SPMIP2: variants seen among roughly 807,000 people sequenced by gnomAD.
SPMIP2 encodes sperm microtubule inner protein 2, also known as protein SPMIP2.
chr4:158,934,826 A>G, the SPMIP2 span, among the ~76,000 whole-genome samples: 1 of 152,022 alleles, frequency 6.6e-6, no homozygotes, highest in Non-Finnish European at 1.5e-5. Flanking sequence ...TCTTTAAGCT[A>G]TCTCACCACC....
At chr4:158,894,329 T>A in the SPMIP2 span, among the ~76,000 whole-genome samples, 2 of 152,006 alleles carry the variant, frequency 1.3e-5, no homozygotes, top group Non-Finnish European at 1.5e-5. Flanking sequence ...TGGGCCACTA[T>A]GCCCAGGTAA....
the SPMIP2 span, among the ~76,000 whole-genome samples, chr4:158,945,038 CCTGA>C: frequency 6.6e-6 from 1 of 152,002 alleles, no homozygotes; most frequent in Non-Finnish European, 1.5e-5. Context: ...TTAACTTGCC[CCTGA>C]CTATGTCACT....
chr4:158,927,802 G>C, the SPMIP2 span, among the ~76,000 whole-genome samples: 2 of 152,230 alleles, frequency 1.3e-5, no homozygotes, highest in African/African-American at 4.8e-5. Flanking sequence ...CGGAGCAGCC[G>C]GCGGGCCCTG....
the SPMIP2 span, among the ~76,000 whole-genome samples, chr4:159,082,286 T>C: frequency 6.6e-6 from 1 of 151,710 alleles, no homozygotes; most frequent in Non-Finnish European, 1.5e-5. Context: ...TGAGCTGAGA[T>C]TGCACCATTG....
At chr4:159,037,294 T>C in the SPMIP2 span, among the ~76,000 whole-genome samples, 2 of 152,198 alleles carry the variant, frequency 1.3e-5, no homozygotes, top group East Asian at 1.9e-4. Context: ...TGAAGACATA[T>C]TTAGGTTCAT....
the SPMIP2 span, among the ~76,000 whole-genome samples, chr4:159,014,425 G>A: frequency 6.6e-6 from 1 of 152,124 alleles, no homozygotes; most frequent in Admixed American, 6.6e-5. Flanking sequence ...CGCACTCCAG[G>A]CTGGGCGAAA....
the SPMIP2 span, among the ~76,000 whole-genome samples, chr4:158,940,618 A>G: frequency 2.2e-5 from 2 of 90,292 alleles, no homozygotes; most frequent in African/African-American, 3.9e-5. Flanking sequence ...TTTATTTTCT[A>G]TTTGGTTATG....
chr4:158,985,121 T>G, the SPMIP2 span, among the ~76,000 whole-genome samples: 44 of 139,108 alleles, frequency 3.2e-4, no homozygotes, highest in African/African-American at 3.7e-4. Flanking sequence ...TAACAGGCTC[T>G]GAAATTGTGG....
the SPMIP2 span, among the ~76,000 whole-genome samples, chr4:159,041,704 T>G: frequency 6.6e-6 from 1 of 152,236 alleles, no homozygotes; most frequent in African/African-American, 2.4e-5. Context: ...TGCTTTAGTG[T>G]TTTATGTGGT....
chr4:158,944,527 TA>T, the SPMIP2 span, among the ~76,000 whole-genome samples: 1,082 of 152,194 alleles, frequency 7.1e-3, 11 homozygotes, highest in Non-Finnish European at 0.011. Context: ...CATTTTCAAA[TA>T]CAACCTAAAA....
At chr4:158,985,367 T>C in the SPMIP2 span, among the ~76,000 whole-genome samples, 1 of 146,594 alleles carries the variant, frequency 6.8e-6, no homozygotes, top group Admixed American at 6.9e-5. Context: ...TGATGAACAT[T>C]GATGCAAAAA....
the SPMIP2 span, among the ~76,000 whole-genome samples, chr4:158,898,822 T>G: frequency 5.3e-5 from 8 of 152,332 alleles, no homozygotes; most frequent in South Asian, 1.2e-3. Flanking sequence ...TGAATACGCT[T>G]TATTTCTTTC....
chr4:158,982,898 A>G, the SPMIP2 span, among the ~76,000 whole-genome samples: 1 of 152,210 alleles, frequency 6.6e-6, no homozygotes, highest in Non-Finnish European at 1.5e-5. Flanking sequence ...AAGGCAAAGA[A>G]GTTAAAAACC....
the SPMIP2 span, among the ~76,000 whole-genome samples, chr4:159,053,636 T>G: frequency 2.0e-5 from 3 of 152,218 alleles, no homozygotes; most frequent in African/African-American, 7.2e-5. Flanking sequence ...CTGGGAGATA[T>G]GGACCTTACT....
the SPMIP2 span, among the ~76,000 whole-genome samples, chr4:158,989,542 G>T: frequency 6.6e-6 from 1 of 151,940 alleles, no homozygotes; most frequent in African/African-American, 2.4e-5. Flanking sequence ...TATATAGACC[G>T]ATGGAACAGA....
At chr4:158,913,664 T>TA in the SPMIP2 span, among the ~76,000 whole-genome samples, 2 of 151,982 alleles carry the variant, frequency 1.3e-5, no homozygotes, top group Non-Finnish European at 1.5e-5. Flanking sequence ...TATTTAGGAG[T>TA]AAAGGGTCTA....
At chr4:159,077,679 C>T in the SPMIP2 span, among the ~76,000 whole-genome samples, 11 of 152,048 alleles carry the variant, frequency 7.2e-5, no homozygotes, top group African/African-American at 2.7e-4. Flanking sequence ...GCAGATGTTA[C>T]CAAACTCAGG....
At chr4:158,978,410 T>C in the SPMIP2 span, among the ~76,000 whole-genome samples, 4 of 152,056 alleles carry the variant, frequency 2.6e-5, no homozygotes, top group African/African-American at 9.7e-5. Flanking sequence ...GGGTGGAGAG[T>C]TCTGTAGATG....
At chr4:159,051,337 T>TG in the SPMIP2 span, among the ~76,000 whole-genome samples, 1 of 152,128 alleles carries the variant, frequency 6.6e-6, no homozygotes. Flanking sequence ...CATGGACTTT[T>TG]GGGGGGAGCT....
Sources: gnomAD v4.1 joint callset for allele counts (sites outside exome capture counted in the v4.1 genomes callset) on GRCh38, gnomAD v4.1.1 for gene constraint, MANE v1.5 for transcripts, NCBI Gene and HGNC (gene_info 2026-07-23, HGNC 2026-07-21) for gene names.